Variants in DNAI3 observed in about 807,000 individuals in gnomAD.
The protein encoded by DNAI3 is dynein axonemal intermediate chain 3.
Under a neutral mutation model 115.5 loss-of-function variants are expected in DNAI3, and 83 were observed. The ratio of observed to expected loss-of-function variants is 0.72; its 90% CI spans 0.60 to 0.86. The LOEUF (loss-of-function observed/expected upper bound fraction) is 0.86. DNAI3 is among the 40% of genes least tolerant of loss of function. The pLI, the probability that DNAI3 is intolerant of heterozygous loss-of-function variation, is 0.00. For synonymous variants in DNAI3, 320 were observed against 347.0 expected (o/e 0.92, Z 0.86); for missense variants, 1,004 against 1,075.8 (o/e 0.93, Z 0.93).
At chr1:85,094,302 C>G in intron 9 of DNAI3, 129 bp from the exon 10 acceptor site, 1 of 1,279,420 alleles carries the variant, frequency 7.8e-7, no homozygotes, top group Non-Finnish European at 1.1e-6. Flanking sequence ...CAGCAGAGCT[C>G]TAAGAAAACT....
chr1:85,099,613 T>C (rs1023692928), intron 13 of DNAI3, among the ~76,000 whole-genome samples: 3 of 152,118 alleles, frequency 2.0e-5, no homozygotes, highest in Non-Finnish European at 2.9e-5. Flanking sequence ...CTTCACAGAA[T>C]TGGAAAAAAC....
At chr1:85,079,701 AG>A (rs1344834603) in intron 3 of DNAI3, among the ~76,000 whole-genome samples, 3 of 152,268 alleles carry the variant, frequency 2.0e-5, no homozygotes. Flanking sequence ...GGAGGGCAGC[AG>A]GCAAAATTCT....
At position 85,099,524 on chromosome 1, in the gene DNAI3, T is replaced by G. The variant is rs575180690; in HGVS notation, c.1479+866T>G. Among the ~76,000 whole-genome samples, 6 of 152,232 alleles carry G rather than the reference T, an allele frequency of 3.9e-5. No homozygotes were observed. In the East Asian group the frequency reaches 1.2e-3, roughly 29 times the overall value. The stretch of plus-strand genomic sequence containing the variant: ...ATTCCATGCTCATGGATAGGAAGAA[T>G]CAATATCGTGAAAATGGCCATACTG... On this transcript the variant is annotated intron_variant, in intron 13 of 22. Transcript: ENST00000294664.
intron 5 of DNAI3, 55 bp from the exon 6 acceptor site, chr1:85,084,491 A>ATAT: frequency 1.1e-6 from 1 of 911,690 alleles, no homozygotes; most frequent in Non-Finnish European, 1.5e-6. Context: ...TATATATATA[A>ATAT]AGCTATAACC....
chr1:85,106,587 G>T (rs1655497460), intron 14 of DNAI3, among the ~76,000 whole-genome samples: 1 of 152,066 alleles, frequency 6.6e-6, no homozygotes, highest in African/African-American at 2.4e-5. Context: ...TCTTGTCAAG[G>T]AAGAAAAAAG....
chr1:85,067,905 G>A (rs1382384798), intron 1 of DNAI3, among the ~76,000 whole-genome samples: 3 of 152,198 alleles, frequency 2.0e-5, no homozygotes, highest in Non-Finnish European at 4.4e-5. Flanking sequence ...AGTCCAGTGA[G>A]ACCTGTGTCA....
chr1:85,091,863 C>T (rs1016452887), intron 8 of DNAI3, among the ~76,000 whole-genome samples: 1 of 152,174 alleles, frequency 6.6e-6, no homozygotes, highest in Non-Finnish European at 1.5e-5. Context: ...GATGTGTTTT[C>T]ACTTCTTCCG....
chr1:85,098,582 A>C lies in DNAI3; in HGVS notation c.1403A>C (p.His468Pro). The C allele has an allele frequency of 4.3e-6, 7 of 1,613,622 alleles. No individual in the cohort carries two copies. The highest frequency in any genetic ancestry group is 5.9e-6 in the Non-Finnish European group (7 of 1,179,740). Residue 468 changes from histidine to proline, a missense_variant, in exon 13 of 23, where the codon CAC (histidine) becomes CCC (proline). Around this residue, in one of 3 missense-constraint regions of DNAI3, gnomAD observed 550 missense variants for 568.1 expected, o/e 0.97. Coordinates refer to ENST00000294664, the MANE Select transcript of DNAI3 (RefSeq NM_145172.5). ...AATAAAGAAGCAATGTATATCAGAC[A>C]CTGTGCAGTCTCTTCAATAGAAAAT... ...ESNKEAMYIRHCAVSSIENGH... is the reference protein window; with the variant it reads ...ESNKEAMYIRPCAVSSIENGH...
At chr1:85,089,432 A>G (rs1654901717) in intron 7 of DNAI3, among the ~76,000 whole-genome samples, 1 of 148,136 alleles carries the variant, frequency 6.8e-6, no homozygotes. Context: ...CAGAGGTACA[A>G]TGCCATATGA....
intron 16 of DNAI3, 93 bp from the exon 17 acceptor site, chr1:85,117,636 C>T (rs1210484172): frequency 2.0e-6 from 3 of 1,535,674 alleles, no homozygotes; most frequent in Non-Finnish European, 2.7e-6. Context: ...GGGGCAAATG[C>T]AGGTGGCAAG....
At chr1:85,090,265 A>G in intron 8 of DNAI3, 33 bp downstream of exon 8, 1 of 1,255,614 alleles carries the variant, frequency 8.0e-7, no homozygotes, top group Non-Finnish European at 1.1e-6. Flanking sequence ...TTAAAAATAA[A>G]ACATAAAATG....
chr1:85,090,937 C>G (rs1654954154), intron 8 of DNAI3, among the ~76,000 whole-genome samples: 1 of 152,152 alleles, frequency 6.6e-6, no homozygotes, highest in African/African-American at 2.4e-5. Context: ...TGGTCAAGTT[C>G]ATATATAGCC....
intron 14 of DNAI3, among the ~76,000 whole-genome samples, chr1:85,106,993 C>T (rs910243346): frequency 2.0e-5 from 3 of 152,170 alleles, no homozygotes; most frequent in African/African-American, 4.8e-5. Context: ...GACATTACAA[C>T]AAAAGCACAA....
chr1:85,074,974 A>G (rs1223802449), intron 3 of DNAI3, among the ~76,000 whole-genome samples: 1 of 152,166 alleles, frequency 6.6e-6, no homozygotes, highest in African/African-American at 2.4e-5. Context: ...CACCACAGCT[A>G]CCCTTCTTAG....
At chr1:85,081,544 C>T (rs1654632717) in intron 4 of DNAI3, 129 bp downstream of exon 4, 2 of 731,236 alleles carry the variant, frequency 2.7e-6, no homozygotes, top group Non-Finnish European at 4.1e-6. Context: ...GCTTGCCCAC[C>T]CCTCCTTGGG....
intron 15 of DNAI3, 124 bp from the exon 16 acceptor site, chr1:85,109,920 GGGAA>G (rs1655601721): frequency 1.2e-6 from 1 of 801,166 alleles, no homozygotes; most frequent in African/African-American, 1.7e-5. Flanking sequence ...AGGGAGGAAA[GGGAA>G]GGAAGAAAAA....
intron 1 of DNAI3, among the ~76,000 whole-genome samples, chr1:85,070,065 A>G (rs1654220527): frequency 6.6e-6 from 1 of 152,112 alleles, no homozygotes; most frequent in African/African-American, 2.4e-5. Context: ...GTTCGAGACC[A>G]GCCTGGCCAA....
chr1:85,065,899 G>A (rs542732630), intron 1 of DNAI3, among the ~76,000 whole-genome samples: 2 of 152,360 alleles, frequency 1.3e-5, no homozygotes, highest in Admixed American at 1.3e-4. Flanking sequence ...TCATGGGCAA[G>A]TTGGAGAGTT....
chr1:85,088,772 G>A (rs1022926458), intron 7 of DNAI3, among the ~76,000 whole-genome samples: 3 of 151,974 alleles, frequency 2.0e-5, no homozygotes, highest in African/African-American at 2.4e-5. Context: ...ATCATATTTC[G>A]AAAGTAAGAG....
Sources: gnomAD v4.1 joint callset for allele counts (sites outside exome capture counted in the v4.1 genomes callset) on GRCh38, gnomAD v4.1.1 for gene constraint, gnomAD v4.1.1 regional missense constraint, MANE v1.5 for transcripts, NCBI Gene and HGNC (gene_info 2026-07-23, HGNC 2026-07-21) for gene names.